Variants in ASCC1 observed in about 807,000 individuals in gnomAD.
ASCC1 encodes the protein activating signal cointegrator 1 complex subunit 1.
A neutral mutation model predicts 46.6 loss-of-function variants in ASCC1; 35 were observed. That is an observed-to-expected ratio of 0.75 (90% CI 0.57 to 0.99). ASCC1 has a LOEUF of 0.99. Ranked by LOEUF, ASCC1 falls within the 50% of genes least tolerant of loss-of-function variation. The pLI, the probability that ASCC1 is intolerant of heterozygous loss-of-function variation, is 0.00. For missense variants in ASCC1, 376 were observed against 428.7 expected, an observed-to-expected ratio of 0.88 and a Z score of 1.09; for synonymous variants, 143 against 146.6, an observed-to-expected ratio of 0.98 and a Z score of 0.18.
rs557488929 is a variant in ASCC1 at position 72,149,288 on chromosome 10, A to G, written c.746+3581T>C. Among the ~76,000 whole-genome samples, 308 of 152,148 alleles carry G rather than the reference A, an allele frequency of 2.0e-3. 1 individual carries two copies. The highest frequency in any genetic ancestry group is 6.9e-3 in the African/African-American group (285 of 41,558). ...CCTGTCTCTACTAAAAATACAAAAA[A>G]TTAGCCAGGCGTGGTGGCGGGTGCC... On this transcript the variant is annotated intron_variant, in intron 7 of 9. Transcript: ENST00000672957.
At chr10:72,211,199 C>A (rs1010849990) in intron 2 of ASCC1, among the ~76,000 whole-genome samples, 3 of 152,120 alleles carry the variant, frequency 2.0e-5, no homozygotes, top group Admixed American at 6.5e-5. Flanking sequence ...ACAGAGAGAC[C>A]ACATTCACAT....
At chr10:72,188,891 A>G (rs1042912259) in intron 5 of ASCC1, among the ~76,000 whole-genome samples, 2 of 152,026 alleles carry the variant, frequency 1.3e-5, no homozygotes, top group African/African-American at 4.8e-5. Context: ...CGAGTAGTTA[A>G]AACTACAGAT....
intron 7 of ASCC1, chr10:72,133,764 G>A (rs1300899268): frequency 1.2e-5 from 2 of 168,942 alleles, no homozygotes; most frequent in Non-Finnish European, 2.6e-5. Context: ...ATAGCAGAGT[G>A]GGAAGGGCTT....
chr10:72,173,113 T>G (rs1851445267), intron 5 of ASCC1, among the ~76,000 whole-genome samples: 1 of 150,730 alleles, frequency 6.6e-6, no homozygotes, highest in African/African-American at 2.4e-5. Flanking sequence ...AGAGCCAGAC[T>G]CAATTCTAAA....
chr10:72,172,976 T>C (rs1001692627), intron 5 of ASCC1, among the ~76,000 whole-genome samples: 2 of 137,524 alleles, frequency 1.5e-5, no homozygotes, highest in African/African-American at 5.3e-5. Context: ...ATATGTTATA[T>C]ACAATATTTT....
At chr10:72,098,959 G>T (rs1355332316) in intron 9 of ASCC1, among the ~76,000 whole-genome samples, 1 of 152,220 alleles carries the variant, frequency 6.6e-6, no homozygotes, top group East Asian at 1.9e-4. Flanking sequence ...AATTTGAAGT[G>T]AAAGACACGT....
intron 6 of ASCC1, among the ~76,000 whole-genome samples, chr10:72,156,310 C>T (rs1021707930): frequency 1.1e-4 from 17 of 152,144 alleles, no homozygotes; most frequent in African/African-American, 4.1e-4. Flanking sequence ...CCCGAGAAGC[C>T]GAGCATGCTT....
rs769049218 is a variant in ASCC1 at position 72,204,459 on chromosome 10, T to C, written c.213-935A>G. 3.6e-5 allele frequency: 56 copies of C among 1,550,328 alleles called. No homozygotes were observed. The African/African-American group carries it at 5.2e-4, about 14-fold the overall frequency. ...GTATAAATATTCTGACAATCCAAAG[T>C]TATCTTCTGGAACCCACAGTCGTTT... On this transcript the variant is annotated intron_variant, in intron 3 of 9. Coordinates refer to ENST00000672957, the MANE Select transcript of ASCC1 (RefSeq NM_001198800.3).
At chr10:72,211,678 C>T (rs1437550263) in intron 2 of ASCC1, among the ~76,000 whole-genome samples, 1 of 151,986 alleles carries the variant, frequency 6.6e-6, no homozygotes, top group Non-Finnish European at 1.5e-5. Context: ...AAAAAATTAG[C>T]CAGGCATGGT....
chr10:72,211,910 A>G, intron 2 of ASCC1, among the ~76,000 whole-genome samples: 1 of 152,224 alleles, frequency 6.6e-6, no homozygotes, highest in East Asian at 1.9e-4. Context: ...CAGGCCGGTC[A>G]TGGTGGCTCA....
intron 6 of ASCC1, among the ~76,000 whole-genome samples, chr10:72,153,312 G>C (rs1848582255): frequency 6.6e-6 from 1 of 152,214 alleles, no homozygotes; most frequent in African/African-American, 2.4e-5. Context: ...TACTATGTTG[G>C]CTCATCTCTC....
At chr10:72,173,972 G>A (rs1244161093) in intron 5 of ASCC1, among the ~76,000 whole-genome samples, 1 of 152,246 alleles carries the variant, frequency 6.6e-6, no homozygotes, top group Non-Finnish European at 1.5e-5. Flanking sequence ...AGCAAAGAGT[G>A]AAGTAACAGG....
At chr10:72,157,393 C>G (rs951539291) in intron 6 of ASCC1, among the ~76,000 whole-genome samples, 1 of 152,184 alleles carries the variant, frequency 6.6e-6, no homozygotes, top group African/African-American at 2.4e-5. Flanking sequence ...AAAGCTCTCA[C>G]CCTGCATAGT....
chr10:72,149,362 C>T (rs936442693), intron 7 of ASCC1, among the ~76,000 whole-genome samples: 7 of 145,464 alleles, frequency 4.8e-5, no homozygotes, highest in South Asian at 2.3e-4. Context: ...GGCGTGAACC[C>T]GGGAGGCGGA....
At chr10:72,189,967 G>A (rs1047635324) in intron 5 of ASCC1, 88 of 752,444 alleles carry the variant, frequency 1.2e-4, no homozygotes, top group Non-Finnish European at 2.1e-4. Context: ...ATATCCAGGA[G>A]CTACGGAGAA....
At chr10:72,209,353 T>C (rs141595083) in intron 3 of ASCC1, among the ~76,000 whole-genome samples, 3 of 152,052 alleles carry the variant, frequency 2.0e-5, no homozygotes, top group African/African-American at 7.2e-5. Flanking sequence ...GGCTTGGTGG[T>C]GTGTGCCGGT....
intron 7 of ASCC1, chr10:72,134,056 T>C (rs939340557): frequency 2.0e-5 from 3 of 152,130 alleles, no homozygotes; most frequent in African/African-American, 7.2e-5. Flanking sequence ...TGAGGCAGGC[T>C]GATCACTTGA....
chr10:72,165,383 T>C (rs1850212223), intron 5 of ASCC1, among the ~76,000 whole-genome samples: 1 of 152,236 alleles, frequency 6.6e-6, no homozygotes, highest in Non-Finnish European at 1.5e-5. Context: ...CCCAAAGTGC[T>C]GGGATTACAG....
intron 9 of ASCC1, among the ~76,000 whole-genome samples, chr10:72,119,574 A>G (rs966050468): frequency 1.2e-4 from 19 of 152,130 alleles, no homozygotes; most frequent in African/African-American, 3.9e-4. Context: ...GCACAAGCTC[A>G]CCAAAAGACT....
Sources: gnomAD v4.1 joint callset for allele counts (sites outside exome capture counted in the v4.1 genomes callset) on GRCh38, gnomAD v4.1.1 for gene constraint, MANE v1.5 for transcripts, NCBI Gene and HGNC (gene_info 2026-07-23, HGNC 2026-07-21) for gene names.